The following XPR1 variants were observed in gnomAD, a reference collection of about 807,000 sequenced individuals.
The protein encoded by XPR1 is solute carrier family 53 member 1.
XPR1 carries 28 observed loss-of-function variants against 87.5 expected under a neutral mutation model. The ratio of observed to expected loss-of-function variants is 0.32; its 90% CI spans 0.24 to 0.44. The LOEUF is 0.44. Among genes scored for constraint, XPR1 ranks in the 20% least tolerant of loss-of-function variants. The pLI, the probability that XPR1 is intolerant of heterozygous loss-of-function variation, is 1.00. For synonymous variants in XPR1, 300 were observed against 306.1 expected (o/e 0.98, Z 0.21); for missense variants, 559 against 862.3 (o/e 0.65, Z 4.41).
intron 13 of XPR1, among the ~76,000 whole-genome samples, chr1:180,875,012 A>T (rs1652616787): frequency 6.6e-6 from 1 of 152,236 alleles, no homozygotes; most frequent in Admixed American, 6.5e-5. Flanking sequence ...ATACGTAGAG[A>T]ACTGCATCCA....
chr1:180,696,149 G>A (rs953856194), intron 2 of XPR1, among the ~76,000 whole-genome samples: 4 of 136,358 alleles, frequency 2.9e-5, no homozygotes, highest in Non-Finnish European at 6.2e-5. Context: ...TGCCTCCTTC[G>A]TTAAATTTAT....
intron 3 of XPR1, among the ~76,000 whole-genome samples, chr1:180,789,051 G>A (rs1264385435): frequency 6.6e-6 from 1 of 152,164 alleles, no homozygotes; most frequent in African/African-American, 2.4e-5. Flanking sequence ...ATGGAAAAAG[G>A]TAAAAAGAGT....
At chr1:180,722,120 T>C (rs1397181456) in intron 2 of XPR1, among the ~76,000 whole-genome samples, 1 of 151,942 alleles carries the variant, frequency 6.6e-6, no homozygotes, top group African/African-American at 2.4e-5. Flanking sequence ...AAAAAAAAAT[T>C]AGTCATGTGT....
At chr1:180,872,760 C>T (rs868269448) in intron 12 of XPR1, among the ~76,000 whole-genome samples, 3 of 150,190 alleles carry the variant, frequency 2.0e-5, no homozygotes, top group African/African-American at 7.4e-5. Flanking sequence ...GATGGAAATG[C>T]AGAAATCACC....
At chr1:180,696,222 A>ATG (rs1657171992) in intron 2 of XPR1, among the ~76,000 whole-genome samples, 1 of 135,982 alleles carries the variant, frequency 7.4e-6, no homozygotes, top group African/African-American at 3.0e-5. Flanking sequence ...ATATATATAT[A>ATG]TATATATATT....
At chr1:180,813,629 A>G (rs954486550) in intron 7 of XPR1, among the ~76,000 whole-genome samples, 2 of 152,196 alleles carry the variant, frequency 1.3e-5, no homozygotes, top group African/African-American at 4.8e-5. Context: ...AAGGAGAAAG[A>G]TGAAATTAAA....
chr1:180,713,645 T>G (rs1214150108), intron 2 of XPR1, among the ~76,000 whole-genome samples: 3 of 152,150 alleles, frequency 2.0e-5, no homozygotes, highest in Non-Finnish European at 4.4e-5. Flanking sequence ...TCATATAGCT[T>G]TTCTCTTTTA....
chr1:180,713,639 A>G (rs1175372609), intron 2 of XPR1, among the ~76,000 whole-genome samples: 1 of 152,136 alleles, frequency 6.6e-6, no homozygotes, highest in Non-Finnish European at 1.5e-5. Context: ...AGATGATCAT[A>G]TAGCTTTTCT....
intron 2 of XPR1, among the ~76,000 whole-genome samples, chr1:180,758,567 G>A (rs548756780): frequency 2.9e-4 from 44 of 152,000 alleles, no homozygotes; most frequent in Non-Finnish European, 5.4e-4. Flanking sequence ...AATTAGCCAG[G>A]CATGGTGGCG....
At chr1:180,793,858 T>TC (rs1649473218) in intron 3 of XPR1, among the ~76,000 whole-genome samples, 1 of 152,210 alleles carries the variant, frequency 6.6e-6, no homozygotes, top group Non-Finnish European at 1.5e-5. Context: ...CTCCTTTTTT[T>TC]CTCTTTCCTT....
At chr1:180,769,256 A>C (rs1409431686) in intron 2 of XPR1, among the ~76,000 whole-genome samples, 1 of 152,176 alleles carries the variant, frequency 6.6e-6, no homozygotes, top group East Asian at 1.9e-4. Flanking sequence ...TGTTACAAAC[A>C]ATCCAATTAT....
At chr1:180,678,820 A>G (rs1003762491) in intron 1 of XPR1, among the ~76,000 whole-genome samples, 9 of 152,310 alleles carry the variant, frequency 5.9e-5, no homozygotes, top group Non-Finnish European at 1.2e-4. Context: ...ACTGGACTTG[A>G]GTATCTGTAC....
rs1311342713 is a variant in XPR1 at position 180,886,622 on chromosome 1, T to C, written c.*2556T>C. ...AAATAAGGCTTATGTAACTTTCAGC[T>C]TGCTATGTGACAGAAGTTTAAATGT... On this transcript the variant is annotated 3_prime_UTR_variant, in exon 15 of 15. Coordinates refer to ENST00000367590, the MANE Select transcript of XPR1 (RefSeq NM_004736.4). The C allele has an allele frequency of 6.6e-6, 1 of 152,256 alleles. No individual in the cohort carries two copies. Among genetic ancestry groups the C allele is most frequent in the Non-Finnish European group, 1.5e-5 (1 of 68,046 alleles). 9.4% of individuals were successfully genotyped at this position (152,256 alleles called of 1,614,324 possible).
intron 2 of XPR1, among the ~76,000 whole-genome samples, chr1:180,713,233 T>G (rs1347862546): frequency 6.6e-6 from 1 of 152,096 alleles, no homozygotes; most frequent in Non-Finnish European, 1.5e-5. Context: ...AGTATTCAAT[T>G]TTTTTTGATG....
intron 11 of XPR1, among the ~76,000 whole-genome samples, chr1:180,862,902 C>T (rs1187078070): frequency 1.3e-5 from 2 of 152,026 alleles, no homozygotes; most frequent in Non-Finnish European, 2.9e-5. Flanking sequence ...AGACATTTCA[C>T]AATGGACTCT....
At chr1:180,656,646 T>TA (rs1557941894) in intron 1 of XPR1, among the ~76,000 whole-genome samples, 3 of 100,234 alleles carry the variant, frequency 3.0e-5, no homozygotes, top group South Asian at 2.6e-4. Context: ...TAATATATTA[T>TA]TATATATAAT....
chr1:180,663,290 A>G (rs550333246), intron 1 of XPR1, among the ~76,000 whole-genome samples: 2 of 152,204 alleles, frequency 1.3e-5, no homozygotes, highest in African/African-American at 4.8e-5. Context: ...CAGGTATTCA[A>G]AGAGACTTGG....
At chr1:180,708,974 C>T (rs891938032) in intron 2 of XPR1, among the ~76,000 whole-genome samples, 3 of 146,922 alleles carry the variant, frequency 2.0e-5, no homozygotes, top group Non-Finnish European at 4.5e-5. Flanking sequence ...TGCAGTGGCA[C>T]GATCTTGGCT....
intron 11 of XPR1, among the ~76,000 whole-genome samples, chr1:180,851,203 A>G (rs1406416755): frequency 6.6e-6 from 1 of 152,208 alleles, no homozygotes; most frequent in Non-Finnish European, 1.5e-5. Flanking sequence ...TGAATTAAAG[A>G]GGAAACCAGC....
Sources: gnomAD v4.1 joint callset for allele counts (sites outside exome capture counted in the v4.1 genomes callset) on GRCh38, gnomAD v4.1.1 for gene constraint, MANE v1.5 for transcripts, NCBI Gene and HGNC (gene_info 2026-07-23, HGNC 2026-07-21) for gene names.